ODAD2: variants seen among roughly 807,000 people sequenced by gnomAD.
ODAD2 encodes outer dynein arm docking complex subunit 2.
ODAD2 carries 89 observed loss-of-function variants against 106.8 expected under a neutral mutation model. The ratio of observed to expected loss-of-function variants is 0.83; its 90% confidence interval spans 0.70 to 0.99. ODAD2 has a LOEUF of 0.99. Among genes scored for constraint, ODAD2 ranks in the 50% least tolerant of loss-of-function variants. The pLI is 0.00. For missense variants in ODAD2, 1,168 were observed against 1,238.5 expected, an observed-to-expected ratio of 0.94 and a Z score of 0.85; for synonymous variants, 404 against 436.2, an observed-to-expected ratio of 0.93 and a Z score of 0.92.
intron 16 of ODAD2, among the ~76,000 whole-genome samples, chr10:27,914,323 T>A (rs1021764708): frequency 6.6e-5 from 10 of 152,166 alleles, no homozygotes; most frequent in African/African-American, 2.2e-4. Context: ...ATGCCATTTT[T>A]TCTTTTCATT....
chr10:27,974,694 T>TG (rs944013058), intron 7 of ODAD2, among the ~76,000 whole-genome samples: 23 of 151,864 alleles, frequency 1.5e-4, no homozygotes, highest in South Asian at 2.1e-4. Flanking sequence ...TTTTTGTTTT[T>TG]TTTTTTTTTG....
chr10:27,983,696 G>T (rs997235667), intron 6 of ODAD2, 147 bp downstream of exon 6: 8 of 749,456 alleles, frequency 1.1e-5, no homozygotes, highest in African/African-American at 5.5e-5. Flanking sequence ...TTTTGGATTT[G>T]CCCAGCAAGC....
intron 7 of ODAD2, among the ~76,000 whole-genome samples, chr10:27,976,761 T>C (rs1849215740): frequency 6.6e-6 from 1 of 152,180 alleles, no homozygotes. Context: ...AATATTCTTA[T>C]GGACATGCAA....
At chr10:27,867,736 G>A (rs1448826650) in intron 17 of ODAD2, among the ~76,000 whole-genome samples, 8 of 152,152 alleles carry the variant, frequency 5.3e-5, no homozygotes, top group East Asian at 1.9e-4. Flanking sequence ...GATCACTTGA[G>A]GTCAGGAGGT....
At chr10:27,977,918 A>G (rs1849301327) in intron 7 of ODAD2, among the ~76,000 whole-genome samples, 1 of 152,244 alleles carries the variant, frequency 6.6e-6, no homozygotes, top group Admixed American at 6.5e-5. Context: ...ACTCTCATAC[A>G]TTGCCTACAT....
chr10:27,879,429 A>C (rs186211497), intron 17 of ODAD2, among the ~76,000 whole-genome samples: 3 of 151,646 alleles, frequency 2.0e-5, no homozygotes, highest in African/African-American at 7.2e-5. Context: ...TTATATAGGA[A>C]TATATGTATA....
At chr10:27,993,077 G>C (rs1165156087) in intron 2 of ODAD2, among the ~76,000 whole-genome samples, 2 of 151,940 alleles carry the variant, frequency 1.3e-5, no homozygotes, top group Non-Finnish European at 2.9e-5. Context: ...ACCATGCCCG[G>C]CTAATTTCTG....
At chr10:27,826,637 G>T (rs903847459) in intron 19 of ODAD2, among the ~76,000 whole-genome samples, 1 of 151,960 alleles carries the variant, frequency 6.6e-6, no homozygotes, top group Non-Finnish European at 1.5e-5. Flanking sequence ...TGTGGAAGAG[G>T]TGTCTCCTCC....
intron 17 of ODAD2, among the ~76,000 whole-genome samples, chr10:27,888,031 C>T (rs1400269701): frequency 6.6e-6 from 1 of 151,940 alleles, no homozygotes; most frequent in Non-Finnish European, 1.5e-5. Flanking sequence ...AGTAAGGAGA[C>T]TTAAACAATA....
At chr10:27,961,435 T>C in intron 10 of ODAD2, 133 bp downstream of exon 10, 2 of 909,386 alleles carry the variant, frequency 2.2e-6, no homozygotes, top group African/African-American at 1.7e-5. Context: ...CTGCACAAAC[T>C]TAGATAAAAC....
intron 19 of ODAD2, among the ~76,000 whole-genome samples, chr10:27,858,535 C>CAGGT (rs1176480267): frequency 6.6e-6 from 1 of 152,148 alleles, no homozygotes; most frequent in East Asian, 1.9e-4. Context: ...ACACAACAGA[C>CAGGT]ACAATTTTCC....
intron 12 of ODAD2, among the ~76,000 whole-genome samples, chr10:27,941,482 C>T (rs1247599164): frequency 7.1e-6 from 1 of 140,062 alleles, no homozygotes. Context: ...AAGATCCTGC[C>T]CCCCGAACCA....
intron 17 of ODAD2, among the ~76,000 whole-genome samples, chr10:27,875,375 C>T (rs1260689141): frequency 3.9e-5 from 6 of 152,164 alleles, no homozygotes; most frequent in Non-Finnish European, 7.3e-5. Context: ...ATTCTCTGTC[C>T]AGCTTTGTTC....
intron 19 of ODAD2, among the ~76,000 whole-genome samples, chr10:27,816,387 G>A (rs1408457152): frequency 6.6e-6 from 1 of 152,202 alleles, no homozygotes; most frequent in African/African-American, 2.4e-5. Flanking sequence ...AGGGGCTCAT[G>A]CCTTGGGAGT....
At chr10:27,827,265 T>C (rs1837118422) in intron 19 of ODAD2, among the ~76,000 whole-genome samples, 1 of 151,832 alleles carries the variant, frequency 6.6e-6, no homozygotes, top group East Asian at 1.9e-4. Flanking sequence ...TTTTTGTCTA[T>C]ACACCCTCCA....
At chr10:27,959,883 T>C (rs1848004523) in intron 10 of ODAD2, among the ~76,000 whole-genome samples, 1 of 152,164 alleles carries the variant, frequency 6.6e-6, no homozygotes, top group Non-Finnish European at 1.5e-5. Flanking sequence ...AATAAATGCA[T>C]GATTTATTAT....
intron 16 of ODAD2, among the ~76,000 whole-genome samples, chr10:27,922,143 A>C (rs1844836912): frequency 7.0e-6 from 1 of 143,264 alleles, no homozygotes; most frequent in Non-Finnish European, 1.5e-5. Context: ...GACAGAGTGA[A>C]ACTCTGCCTC....
At chr10:27,830,670 C>T (rs1168042946) in intron 19 of ODAD2, among the ~76,000 whole-genome samples, 1 of 152,166 alleles carries the variant, frequency 6.6e-6, no homozygotes, top group African/African-American at 2.4e-5. Context: ...TTATGTTATA[C>T]TGACTCGTCT....
At position 27,981,473 on chromosome 10, in the gene ODAD2, G is replaced by A; in HGVS notation, c.929C>T (p.Ser310Phe). 1 of 1,506,984 alleles carries A rather than the reference G, an allele frequency of 6.6e-7. No individual in the cohort carries two copies. Among genetic ancestry groups the A allele is most frequent in the Non-Finnish European group, 8.8e-7 (1 of 1,138,250 alleles). 93.4% of individuals were successfully genotyped at this position (1,506,984 alleles called of 1,614,324 possible). A position where few individuals can be genotyped will look rare whatever the true frequency, so the allele number is the denominator to read the frequency against. ...EKSPKFSENM[S>F]KLGISFSEDQ... ...AGAAACCATAAAACTTACCAATTTA[G>A]ACATATTTTCTGAAAATTTTGGTGA... is the stretch of plus-strand genomic sequence containing the variant. Residue 310 changes from serine to phenylalanine, a missense_variant, in exon 7 of 20, where the codon TCT becomes TTT. Around this residue, in one of 3 missense-constraint regions of ODAD2, gnomAD observed 430 missense variants for 452.2 expected, o/e 0.95. Coordinates refer to ENST00000305242, the MANE Select transcript of ODAD2 (RefSeq NM_018076.5).
Sources: gnomAD v4.1 joint callset for allele counts (sites outside exome capture counted in the v4.1 genomes callset) on GRCh38, gnomAD v4.1.1 for gene constraint, gnomAD v4.1.1 regional missense constraint, MANE v1.5 for transcripts, NCBI Gene and HGNC (gene_info 2026-07-23, HGNC 2026-07-21) for gene names.